The following CDC25A variants were observed in gnomAD, a reference collection of about 807,000 sequenced individuals.
CDC25A encodes the protein M-phase inducer phosphatase 1.
Under a neutral mutation model 64.6 loss-of-function variants are expected in CDC25A, and 17 were observed. That is an observed-to-expected ratio of 0.26 (90% CI 0.18 to 0.39). The LOEUF (loss-of-function observed/expected upper bound fraction) is 0.39. Ranked by LOEUF, CDC25A falls within the 10% of genes least tolerant of loss-of-function variation. The pLI is 1.00. For missense variants in CDC25A, 473 were observed against 654.8 expected, an observed-to-expected ratio of 0.72 and a Z score of 3.03; for synonymous variants, 229 against 238.6, an observed-to-expected ratio of 0.96 and a Z score of 0.37.
intron 13 of CDC25A, 112 bp downstream of exon 13, chr3:48,164,195 A>G: frequency 2.0e-6 from 2 of 993,494 alleles, no homozygotes; most frequent in Non-Finnish European, 1.4e-6. Context: ...GTTATGTGCC[A>G]GAGGTTGCTT....
chr3:48,177,715 A>G, intron 7 of CDC25A, 139 bp downstream of exon 7: 2 of 986,866 alleles, frequency 2.0e-6, no homozygotes, highest in Non-Finnish European at 3.2e-6. Context: ...TATTAAATGA[A>G]TTATCACCAA....
chr3:48,186,655 G>A, intron 2 of CDC25A, 48 bp downstream of exon 2: 1 of 1,211,098 alleles, frequency 8.3e-7, no homozygotes, highest in Non-Finnish European at 1.2e-6. Context: ...GAAAAGGCAT[G>A]TTTCAGGAAA....
At chr3:48,184,101 C>T (rs1418087967) in intron 3 of CDC25A, among the ~76,000 whole-genome samples, 1 of 152,110 alleles carries the variant, frequency 6.6e-6, no homozygotes, top group East Asian at 1.9e-4. Context: ...CATGTAATCC[C>T]AGCACTATGG....
chr3:48,165,058 C>T (rs866763812), intron 12 of CDC25A, among the ~76,000 whole-genome samples: 3 of 142,540 alleles, frequency 2.1e-5, no homozygotes, highest in Non-Finnish European at 3.0e-5. Flanking sequence ...TGTGGTGATC[C>T]GAGATCATGC....
At chr3:48,177,628 G>C (rs2032511944) in intron 7 of CDC25A, among the ~76,000 whole-genome samples, 186 bp from the exon 8 acceptor site, 1 of 151,912 alleles carries the variant, frequency 6.6e-6, no homozygotes, top group South Asian at 2.1e-4. Flanking sequence ...GCTCCTTCAG[G>C]GTAAGAAGGA....
At chr3:48,163,951 T>C (rs1307892869) in intron 13 of CDC25A, among the ~76,000 whole-genome samples, 1 of 152,222 alleles carries the variant, frequency 6.6e-6, no homozygotes, top group African/African-American at 2.4e-5. Flanking sequence ...GGCCCCCTTT[T>C]TTCTTTTCAC....
Position 48,164,297 on chromosome 3 carries a change from C to A in CDC25A, c.1322+10G>T, listed in dbSNP as rs1453705488. 6.4e-7 allele frequency: 1 copy of A among 1,558,716 alleles called. No homozygotes were observed. Among genetic ancestry groups the A allele is most frequent in the Non-Finnish European group, 8.6e-7 (1 of 1,156,744 alleles). ...CTGTGCCCCAGAACCCAGTTCCGTG[C>A]AGCACTCACATGCGGGGACCTCTCT... On this transcript the variant is annotated intron_variant, in intron 13 of 14. Coordinates refer to ENST00000302506, the MANE Select transcript of CDC25A (RefSeq NM_001789.3).
At chr3:48,182,201 A>C (rs2032694630) in intron 5 of CDC25A, among the ~76,000 whole-genome samples, 1 of 152,230 alleles carries the variant, frequency 6.6e-6, no homozygotes, top group Admixed American at 6.5e-5. Context: ...TAAAGAAATC[A>C]TCAGGAGAGT....
At chr3:48,164,542 C>A in intron 12 of CDC25A, 105 bp from the exon 13 acceptor site, 1 of 1,135,452 alleles carries the variant, frequency 8.8e-7, no homozygotes, top group Non-Finnish European at 1.2e-6. Flanking sequence ...GTCCACAAGA[C>A]CAGTTTGTGA....
intron 3 of CDC25A, 151 bp from the exon 4 acceptor site, chr3:48,183,987 T>A: frequency 1.9e-6 from 1 of 535,950 alleles, no homozygotes; most frequent in Non-Finnish European, 3.4e-6. Flanking sequence ...TCTGAAGCTG[T>A]CCTGTTCTCA....
chr3:48,176,038 T>C (rs964375834), intron 8 of CDC25A, among the ~76,000 whole-genome samples: 1 of 152,036 alleles, frequency 6.6e-6, no homozygotes, highest in African/African-American at 2.4e-5. Flanking sequence ...AGTGGTGGCG[T>C]AAGCCTGTAG....
intron 13 of CDC25A, among the ~76,000 whole-genome samples, chr3:48,161,730 C>G (rs1235458071): frequency 1.3e-5 from 2 of 151,844 alleles, no homozygotes; most frequent in Non-Finnish European, 2.9e-5. Flanking sequence ...AAAAAGAGAG[C>G]AGCATCTTTT....
rs2031587255 is a variant in CDC25A at position 48,157,978 on chromosome 3, C to A, written c.*967G>T. The A allele has an allele frequency of 6.6e-6, 1 of 152,266 alleles. No individual in the cohort carries two copies. Among genetic ancestry groups the A allele is most frequent in the African/African-American group, 2.4e-5 (1 of 41,422 alleles). The allele number at this position is 152,266 out of a possible 1,614,324, so 9.4% of individuals were successfully genotyped here. Reference sequence around the variant, plus strand: ...AGATACTCAGTGGACATGCTCCTCCCCCATCCTGTGGAGCCCACCTACCCC... The same window carrying A: ...AGATACTCAGTGGACATGCTCCTCCACCATCCTGTGGAGCCCACCTACCCC... On this transcript the variant is annotated 3_prime_UTR_variant, in exon 15 of 15. Transcript: ENST00000302506.
intron 13 of CDC25A, among the ~76,000 whole-genome samples, chr3:48,160,128 T>C (rs2031687057): frequency 6.6e-6 from 1 of 152,186 alleles, no homozygotes; most frequent in Admixed American, 6.5e-5. Flanking sequence ...CCTTCTTTTT[T>C]CTGAGACAGA....
intron 6 of CDC25A, among the ~76,000 whole-genome samples, chr3:48,178,796 G>T (rs774034578): frequency 4.6e-5 from 7 of 152,096 alleles, no homozygotes; most frequent in Non-Finnish European, 8.8e-5. Flanking sequence ...TCTAAACATG[G>T]AATATAGAAA....
intron 12 of CDC25A, 149 bp downstream of exon 12, chr3:48,165,487 G>A (rs1223555233): frequency 1.6e-6 from 1 of 615,608 alleles, no homozygotes; most frequent in African/African-American, 1.8e-5. Context: ...AGAGCACCCG[G>A]AATCAAATGC....
chr3:48,175,892 C>T (rs755111489), intron 8 of CDC25A, among the ~76,000 whole-genome samples: 14 of 152,190 alleles, frequency 9.2e-5, no homozygotes, highest in Non-Finnish European at 1.8e-4. Context: ...CTTGGCTGGG[C>T]ACGGTGGCTC....
At chr3:48,168,200 A>AG (rs71281893) in intron 9 of CDC25A, among the ~76,000 whole-genome samples, 1,756 of 147,232 alleles carry the variant, frequency 0.012, 21 homozygotes, top group South Asian at 0.022. Context: ...AAAAAAAAAA[A>AG]GGGGGTGCAG....
At chr3:48,186,609 C>A (rs925594939) in intron 2 of CDC25A, 94 bp downstream of exon 2, 11 of 683,260 alleles carry the variant, frequency 1.6e-5, no homozygotes, top group Admixed American at 2.6e-5. Flanking sequence ...AATGCCATGA[C>A]TTCCTCAAGT....
Sources: allele counts gnomAD v4.1 joint callset (sites outside exome capture counted in the v4.1 genomes callset), GRCh38; gene constraint gnomAD v4.1.1; transcripts MANE v1.5; gene names NCBI Gene and HGNC (gene_info 2026-07-23, HGNC 2026-07-21).